The following EYA1 variants were observed in gnomAD, a reference collection of about 807,000 sequenced individuals.
EYA1 encodes the protein protein phosphatase EYA1.
Under a neutral mutation model 82.0 loss-of-function variants are expected in EYA1, and 16 were observed. The observed-to-expected ratio is 0.20, with a 90% CI of 0.13 to 0.30. EYA1 has a LOEUF of 0.30. EYA1 is among the 10% of genes least tolerant of loss of function. The pLI, the probability that EYA1 is intolerant of heterozygous loss-of-function variation, is 1.00. For synonymous variants in EYA1, 261 were observed against 264.4 expected (o/e 0.99, Z 0.12); for missense variants, 633 against 730.7 (o/e 0.87, Z 1.54).
At chr8:71,325,343 A>G (rs1823030529) in intron 4 of EYA1, among the ~76,000 whole-genome samples, 1 of 152,008 alleles carries the variant, frequency 6.6e-6, no homozygotes, top group Admixed American at 6.6e-5. Flanking sequence ...GAACATTGCA[A>G]TCCTTGGCAA....
intron 2 of EYA1, among the ~76,000 whole-genome samples, chr8:71,419,243 C>A (rs541801716): frequency 3.7e-4 from 56 of 152,168 alleles, no homozygotes; most frequent in Non-Finnish European, 7.4e-4. Flanking sequence ...AAATAAGGAA[C>A]TAGTACAACA....
chr8:71,247,749 A>G (rs144507978), intron 11 of EYA1, among the ~76,000 whole-genome samples: 1 of 152,204 alleles, frequency 6.6e-6, no homozygotes, highest in Non-Finnish European at 1.5e-5. Flanking sequence ...TAGACCCTAC[A>G]GCTGAATTAA....
intron 16 of EYA1, among the ~76,000 whole-genome samples, chr8:71,213,895 T>A (rs937643896): frequency 6.6e-6 from 1 of 152,236 alleles, no homozygotes; most frequent in South Asian, 2.1e-4. Flanking sequence ...CATCTCTACA[T>A]TTATTGATAC....
At chr8:71,424,167 G>A (rs1409164165) in intron 2 of EYA1, among the ~76,000 whole-genome samples, 2 of 152,130 alleles carry the variant, frequency 1.3e-5, no homozygotes, top group Admixed American at 6.5e-5. Context: ...CCAGGCACAA[G>A]CATTTTTCAA....
intron 1 of EYA1, among the ~76,000 whole-genome samples, chr8:71,361,138 T>A (rs999886518): frequency 6.6e-6 from 1 of 152,234 alleles, no homozygotes; most frequent in African/African-American, 2.4e-5. Context: ...AAATATTTTC[T>A]TCCTTAAAAA....
intron 2 of EYA1, among the ~76,000 whole-genome samples, chr8:71,479,280 A>C (rs1809917202): frequency 6.6e-6 from 1 of 151,708 alleles, no homozygotes. Context: ...CACTTTCTCT[A>C]CTTCCTTCAA....
chr8:71,546,185 C>T (rs1384456832), intron 1 of EYA1, among the ~76,000 whole-genome samples: 1 of 152,182 alleles, frequency 6.6e-6, no homozygotes, highest in Non-Finnish European at 1.5e-5. Context: ...AGCCACTCCG[C>T]CAGGAAGCCT....
chr8:71,215,923 AC>A lies in EYA1; in HGVS notation c.1361-196del, dbSNP rs113174779. On this transcript the variant is annotated intron_variant, in intron 14 of 17. Coordinates refer to ENST00000340726, the MANE Select transcript of EYA1 (RefSeq NM_000503.6). ...TACAGAAGTCATCTCTTTTTAGGGA[AC>A]CTACTTTCCTACATTCCTCTAAGTG... 2.2e-3 allele frequency among the ~76,000 whole-genome samples: 331 copies of A among 152,306 alleles called. 2 individuals carry two copies. The highest frequency in any genetic ancestry group is 6.2e-3 in the African/African-American group (257 of 41,558).
chr8:71,396,465 G>A (rs1027798982), intron 2 of EYA1, among the ~76,000 whole-genome samples: 1 of 152,184 alleles, frequency 6.6e-6, no homozygotes, highest in South Asian at 2.1e-4. Context: ...TGCTTTAAAT[G>A]TGTCCCAGAG....
chr8:71,303,061 A>G (rs1477783759), intron 7 of EYA1, among the ~76,000 whole-genome samples: 1 of 142,128 alleles, frequency 7.0e-6, no homozygotes. Flanking sequence ...TAGTAAACCA[A>G]CATGCAGCAG....
intron 2 of EYA1, chr8:71,470,810 T>TA (rs1809135233): frequency 2.2e-6 from 1 of 446,358 alleles, no homozygotes; most frequent in Non-Finnish European, 4.5e-6. Flanking sequence ...GCATTAAAAA[T>TA]AAAAACAGAA....
At chr8:71,294,459 A>AAAC (rs1819376425) in intron 9 of EYA1, among the ~76,000 whole-genome samples, 1 of 135,120 alleles carries the variant, frequency 7.4e-6, no homozygotes, top group Admixed American at 7.3e-5. Flanking sequence ...TCCGTCTCAA[A>AAAC]AAACAAACAA....
intron 2 of EYA1, among the ~76,000 whole-genome samples, chr8:71,497,355 A>C (rs1382403564): frequency 6.6e-6 from 1 of 152,232 alleles, no homozygotes; most frequent in Non-Finnish European, 1.5e-5. Flanking sequence ...ATTAACATGC[A>C]AAATATATAA....
intron 2 of EYA1, among the ~76,000 whole-genome samples, chr8:71,463,794 C>T (rs1183883912): frequency 6.6e-6 from 1 of 151,988 alleles, no homozygotes; most frequent in Admixed American, 6.6e-5. Flanking sequence ...TCAAACATTC[C>T]CTTGGACCGT....
intron 12 of EYA1, among the ~76,000 whole-genome samples, chr8:71,242,416 G>T (rs1812580773): frequency 6.6e-6 from 1 of 152,066 alleles, no homozygotes; most frequent in African/African-American, 2.4e-5. Context: ...ATATTTGGTT[G>T]AATTATACCT....
intron 2 of EYA1, among the ~76,000 whole-genome samples, chr8:71,378,382 A>G (rs189998005): frequency 6.6e-6 from 1 of 152,328 alleles, no homozygotes; most frequent in East Asian, 1.9e-4. Context: ...AGGCTTAAGA[A>G]GTGGTAACCA....
chr8:71,325,953 G>C (rs970108807), intron 4 of EYA1, among the ~76,000 whole-genome samples: 2 of 151,998 alleles, frequency 1.3e-5, no homozygotes, highest in Non-Finnish European at 2.9e-5. Flanking sequence ...AATTTCACAG[G>C]ACCAAAATCA....
chr8:71,351,348 T>C (rs551222166), intron 3 of EYA1, among the ~76,000 whole-genome samples: 1 of 152,338 alleles, frequency 6.6e-6, no homozygotes, highest in East Asian at 1.9e-4. Flanking sequence ...TTTGGAAACA[T>C]ATCACTTCTT....
chr8:71,544,512 A>G (rs554537452), intron 1 of EYA1, among the ~76,000 whole-genome samples: 1 of 152,332 alleles, frequency 6.6e-6, no homozygotes, highest in African/African-American at 2.4e-5. Context: ...TACTAAGCTG[A>G]AATAGAATCA....
Sources: allele counts gnomAD v4.1 joint callset (sites outside exome capture counted in the v4.1 genomes callset), GRCh38; gene constraint gnomAD v4.1.1; transcripts MANE v1.5; gene names NCBI Gene and HGNC (gene_info 2026-07-23, HGNC 2026-07-21).